SLC4A4: variants seen among roughly 807,000 people sequenced by gnomAD.
SLC4A4 encodes solute carrier family 4 member 4.
A neutral mutation model predicts 111.5 loss-of-function variants in SLC4A4; 27 were observed. The observed-to-expected ratio is 0.24, with a 90% CI of 0.18 to 0.33. SLC4A4 has a LOEUF of 0.33. Ranked by LOEUF, SLC4A4 falls within the 10% of genes least tolerant of loss-of-function variation. The pLI is 1.00. For missense variants in SLC4A4, 909 were observed against 1,315.5 expected (o/e 0.69, Z 4.78); for synonymous variants, 443 against 463.4 (o/e 0.96, Z 0.57).
At chr4:71,307,793 G>T (rs1247394018) in intron 3 of SLC4A4, among the ~76,000 whole-genome samples, 1 of 152,142 alleles carries the variant, frequency 6.6e-6, no homozygotes, top group African/African-American at 2.4e-5. Flanking sequence ...CAAACAAACG[G>T]AAGTATTCTC....
chr4:71,440,528 C>A, intron 7 of SLC4A4, 88 bp from the exon 8 acceptor site: 1 of 1,431,672 alleles, frequency 7.0e-7, no homozygotes, highest in Non-Finnish European at 9.8e-7. Flanking sequence ...CATGGGAAGG[C>A]CCTTTTTGTT....
intron 16 of SLC4A4, among the ~76,000 whole-genome samples, chr4:71,520,734 C>G (rs1732852175): frequency 6.6e-6 from 1 of 152,184 alleles, no homozygotes; most frequent in African/African-American, 2.4e-5. Flanking sequence ...TCACATCTGC[C>G]AGTCTCTCTT....
At chr4:71,497,722 T>C (rs375564515) in intron 16 of SLC4A4, 30 bp downstream of exon 16, 4 of 1,553,092 alleles carry the variant, frequency 2.6e-6, no homozygotes, top group Non-Finnish European at 3.6e-6. Flanking sequence ...ATGATTTTCA[T>C]TGGATTTACA....
intron 2 of SLC4A4, among the ~76,000 whole-genome samples, chr4:71,112,573 A>G (rs1463621): frequency 0.73 from 110,430 of 152,100 alleles, 42,892 homozygotes; most frequent in Admixed American, 0.85. Context: ...ATATATAGAT[A>G]AAGTTTTCTT....
chr4:71,485,808 C>G (rs1418495093), intron 14 of SLC4A4, among the ~76,000 whole-genome samples: 1 of 151,434 alleles, frequency 6.6e-6, no homozygotes, highest in Non-Finnish European at 1.5e-5. Flanking sequence ...GCCCTCTTTT[C>G]TAACTTCCTT....
chr4:71,282,536 C>T (rs559253644), intron 3 of SLC4A4, among the ~76,000 whole-genome samples: 6 of 151,898 alleles, frequency 4.0e-5, no homozygotes, highest in Non-Finnish European at 7.4e-5. Context: ...CCGCCCACCT[C>T]GGCCTCCCAA....
chr4:71,073,009 C>A (rs1054112320), intron 1 of SLC4A4, among the ~76,000 whole-genome samples: 3 of 151,984 alleles, frequency 2.0e-5, no homozygotes, highest in Non-Finnish European at 1.5e-5. Flanking sequence ...TTGAGGGATC[C>A]GCCTGCCTTG....
At chr4:71,384,555 G>A (rs982127892) in intron 6 of SLC4A4, among the ~76,000 whole-genome samples, 5 of 151,082 alleles carry the variant, frequency 3.3e-5, no homozygotes, top group African/African-American at 1.2e-4. Flanking sequence ...AGTGAGGAGG[G>A]GGCTTGAACC....
chr4:71,152,376 GCTT>G (rs1560747284), intron 2 of SLC4A4, among the ~76,000 whole-genome samples: 1 of 151,962 alleles, frequency 6.6e-6, no homozygotes. Context: ...TCTATGACTT[GCTT>G]TTTTGGCTCA....
chr4:71,286,195 G>C (rs995928812), intron 3 of SLC4A4, among the ~76,000 whole-genome samples: 1 of 152,076 alleles, frequency 6.6e-6, no homozygotes, highest in Non-Finnish European at 1.5e-5. Flanking sequence ...AGCTGAGATC[G>C]CGCCACTGCA....
chr4:71,172,156 TGAGAG>T (rs767713854), intron 2 of SLC4A4, among the ~76,000 whole-genome samples: 7 of 152,216 alleles, frequency 4.6e-5, no homozygotes, highest in Non-Finnish European at 1.0e-4. Flanking sequence ...GATGAAAGCT[TGAGAG>T]GAAAGGAGTT....
At chr4:71,313,027 C>T (rs914421113) in intron 3 of SLC4A4, among the ~76,000 whole-genome samples, 2 of 152,150 alleles carry the variant, frequency 1.3e-5, no homozygotes, top group Non-Finnish European at 2.9e-5. Context: ...ATTTAGAAAA[C>T]CCCATGGTCT....
intron 3 of SLC4A4, among the ~76,000 whole-genome samples, chr4:71,267,791 C>CAAAAAAAAAAAAAAAGAAAAAAA (rs1722381182): frequency 1.2e-3 from 73 of 62,358 alleles, no homozygotes; most frequent in East Asian, 3.6e-3. Flanking sequence ...GAGAGTCTGC[C>CAAAAAAAAAAAAAAAGAAAAAAA]AAAAAAAAAA....
intron 2 of SLC4A4, among the ~76,000 whole-genome samples, chr4:71,168,303 T>A (rs1744839754): frequency 6.7e-6 from 1 of 149,054 alleles, no homozygotes; most frequent in South Asian, 2.2e-4. Flanking sequence ...TGCCTCAGCC[T>A]CCCAAGTAGC....
intron 6 of SLC4A4, among the ~76,000 whole-genome samples, chr4:71,385,478 G>T (rs1463031851): frequency 6.6e-6 from 1 of 151,766 alleles, no homozygotes; most frequent in African/African-American, 2.4e-5. Flanking sequence ...GATTATAAGC[G>T]TGAGCCATCA....
chr4:71,334,422 T>C (rs1728264811), intron 3 of SLC4A4, among the ~76,000 whole-genome samples: 2 of 151,862 alleles, frequency 1.3e-5, no homozygotes, highest in African/African-American at 4.8e-5. Context: ...TTCCCTCTAC[T>C]CTCCTCAAGC....
intron 1 of SLC4A4, among the ~76,000 whole-genome samples, chr4:71,228,977 C>G (rs1476619023): frequency 1.3e-5 from 2 of 152,108 alleles, no homozygotes; most frequent in African/African-American, 4.8e-5. Flanking sequence ...GATTTTATCA[C>G]CTATGTTGAT....
In SLC4A4 at chr4:71,547,729, G is replaced by GT. The variant is rs1197165083; in HGVS notation, c.2694+10dup. 7 of 1,601,730 alleles carry GT rather than the reference G, an allele frequency of 4.4e-6. No individual in the cohort carries two copies. Among genetic ancestry groups the GT allele is most frequent in the Non-Finnish European group, 6.0e-6 (7 of 1,169,412 alleles). ...TGGCTCCCATCTTGAAGGTAAATAT[G>GT]TGAAACATTCACCTCTTCCTTCTCA... On this transcript the variant is annotated intron_variant, in intron 20 of 25. Transcript: ENST00000264485.
chr4:71,545,377 A>G (rs549917236), intron 18 of SLC4A4, among the ~76,000 whole-genome samples: 4 of 152,074 alleles, frequency 2.6e-5, no homozygotes, highest in African/African-American at 7.2e-5. Flanking sequence ...TTTTAAAACC[A>G]ACCTCTTTAT....
Sources: gnomAD v4.1 joint callset for allele counts (sites outside exome capture counted in the v4.1 genomes callset) on GRCh38, gnomAD v4.1.1 for gene constraint, MANE v1.5 for transcripts, NCBI Gene and HGNC (gene_info 2026-07-23, HGNC 2026-07-21) for gene names.